The following DZANK1 variants were observed in gnomAD, a reference collection of about 807,000 sequenced individuals.
DZANK1 encodes double zinc ribbon and ankyrin repeat-containing protein 1.
Under a neutral mutation model 94.5 loss-of-function variants are expected in DZANK1, and 91 were observed. That is an observed-to-expected ratio of 0.96 (90% CI 0.81 to 1.15). DZANK1 has a LOEUF of 1.15. DZANK1 is among the 50% of genes most tolerant of loss of function. The pLI is 0.00. For synonymous variants in DZANK1, 312 were observed against 325.3 expected (o/e 0.96, Z 0.44); for missense variants, 903 against 916.4 (o/e 0.99, Z 0.19).
chr20:18,426,669 T>C lies in DZANK1; in HGVS notation c.954+398A>G, dbSNP rs543000454. On this transcript the variant is annotated intron_variant, in intron 10 of 20. Coordinates refer to ENST00000262547, the Ensembl canonical transcript of DZANK1. The stretch of plus-strand genomic sequence containing the variant: ...ACCCAAGAAATAGGTGGCTACAATG[T>C]TCTCAATTTCAAAAAGCAGTGTGCA... Among the ~76,000 whole-genome samples the C allele has an allele frequency of 4.6e-5, 7 of 152,244 alleles. No individual in the cohort carries two copies. In the South Asian group the frequency reaches 1.4e-3, roughly 32 times the overall value.
At chr20:18,387,589 T>A (rs1405864328) in intron 19 of DZANK1, among the ~76,000 whole-genome samples, 1 of 152,184 alleles carries the variant, frequency 6.6e-6, no homozygotes, top group African/African-American at 2.4e-5. Context: ...GAAGGGCAGC[T>A]CTTGTCCAAA....
intron 3 of DZANK1, among the ~76,000 whole-genome samples, chr20:18,458,313 AAAG>A (rs1023106396): frequency 2.7e-4 from 41 of 152,264 alleles, no homozygotes; most frequent in African/African-American, 9.1e-4. Flanking sequence ...TGTTTTTTTT[AAAG>A]AAGAGATTTA....
chr20:18,402,116 G>C (rs77930362), intron 13 of DZANK1, among the ~76,000 whole-genome samples: 3,769 of 152,258 alleles, frequency 0.025, 157 homozygotes, highest in African/African-American at 0.086. Context: ...AGGGATTTGA[G>C]TGGACCTACT....
intron 10 of DZANK1, among the ~76,000 whole-genome samples, chr20:18,422,848 T>C (rs991877697): frequency 1.3e-5 from 2 of 150,850 alleles, no homozygotes; most frequent in South Asian, 2.1e-4. Flanking sequence ...GGGTCTTTTG[T>C]GGTTCCATAC....
intron 1 of DZANK1, among the ~76,000 whole-genome samples, chr20:18,465,872 C>T (rs563872348): frequency 2.4e-4 from 36 of 152,300 alleles, no homozygotes; most frequent in African/African-American, 7.9e-4. Context: ...CCATTATCAC[C>T]AGAGCAGTTC....
intron 15 of DZANK1, among the ~76,000 whole-genome samples, chr20:18,395,268 C>T (rs1430916383): frequency 1.3e-5 from 2 of 152,194 alleles, no homozygotes; most frequent in South Asian, 2.1e-4. Flanking sequence ...AGCTGAGGAA[C>T]GAGAATTGCT....
rs548522464 is a variant in DZANK1, at chr20:18,386,867, T to C, written c.2019-1777A>G. 3.3e-5 allele frequency among the ~76,000 whole-genome samples: 5 copies of C among 152,194 alleles called. 1 individual carries two copies. In the South Asian group the frequency reaches 1.0e-3, roughly 32 times the overall value. On this transcript the variant is annotated intron_variant, in intron 19 of 20. Transcript: ENST00000262547. ...TTGTGGAATTTCAGAACATCAAGGA[T>C]AAATGCTTTCAGAAAAAACAGGTCA... is the stretch of plus-strand genomic sequence containing the variant.
At chr20:18,390,250 T>G in intron 18 of DZANK1, 129 bp downstream of exon 18, 1 of 813,446 alleles carries the variant, frequency 1.2e-6, no homozygotes, top group Non-Finnish European at 2.1e-6. Flanking sequence ...CCATTCACTA[T>G]ATCCCGGGTT....
intron 6 of DZANK1, among the ~76,000 whole-genome samples, chr20:18,449,330 T>C (rs1314715160): frequency 6.6e-6 from 1 of 152,046 alleles, no homozygotes; most frequent in Non-Finnish European, 1.5e-5. Context: ...ATACAATACA[T>C]GTAACAAATC....
chr20:18,398,186 T>C (rs2056458639), intron 14 of DZANK1, among the ~76,000 whole-genome samples: 1 of 152,224 alleles, frequency 6.6e-6, no homozygotes, highest in Non-Finnish European at 1.5e-5. Context: ...TGCTATATAT[T>C]AACAGTGTAT....
chr20:18,392,332 T>C (rs1475865297), intron 17 of DZANK1, among the ~76,000 whole-genome samples: 2 of 152,208 alleles, frequency 1.3e-5, no homozygotes, highest in Non-Finnish European at 2.9e-5. Context: ...CCAAATGTAC[T>C]GGTGTTTGTT....
intron 3 of DZANK1, among the ~76,000 whole-genome samples, chr20:18,458,084 A>G (rs1023622983): frequency 6.6e-6 from 1 of 152,066 alleles, no homozygotes; most frequent in Non-Finnish European, 1.5e-5. Context: ...TATATTTCCA[A>G]TTATCTTCTT....
chr20:18,393,328 A>T (rs1335449856), intron 17 of DZANK1, among the ~76,000 whole-genome samples: 1 of 152,172 alleles, frequency 6.6e-6, no homozygotes, highest in Non-Finnish European at 1.5e-5. Context: ...ATGCCTGTCC[A>T]CTCACACAGG....
At chr20:18,405,490 A>G (rs971040641) in intron 13 of DZANK1, among the ~76,000 whole-genome samples, 1 of 152,240 alleles carries the variant, frequency 6.6e-6, no homozygotes, top group African/African-American at 2.4e-5. Flanking sequence ...GCCAACATCT[A>G]CATGAGAATC....
intron 10 of DZANK1, among the ~76,000 whole-genome samples, chr20:18,421,698 G>A (rs981975120): frequency 1.3e-5 from 2 of 152,160 alleles, no homozygotes; most frequent in Admixed American, 6.5e-5. Context: ...CATCTTAAAT[G>A]TACTAGGCAT....
At chr20:18,408,862 C>T (rs538309472) in intron 13 of DZANK1, among the ~76,000 whole-genome samples, 3 of 152,208 alleles carry the variant, frequency 2.0e-5, no homozygotes, top group South Asian at 2.1e-4. Flanking sequence ...CAGAGAAACA[C>T]AGAATAGCAT....
At chr20:18,449,433 ATTAT>A (rs2059012776) in intron 6 of DZANK1, among the ~76,000 whole-genome samples, 1 of 152,142 alleles carries the variant, frequency 6.6e-6, no homozygotes, top group African/African-American at 2.4e-5. Flanking sequence ...ACATTTCTAA[ATTAT>A]TTAAAGTGCT....
At chr20:18,415,284 G>T (rs1233715931) in intron 11 of DZANK1, 43 bp downstream of exon 11, 1 of 1,417,032 alleles carries the variant, frequency 7.1e-7, no homozygotes, top group East Asian at 2.7e-5. Flanking sequence ...CAGGCCAGTG[G>T]TGAGGTGCTC....
chr20:18,449,765 A>G (rs2059026648), intron 6 of DZANK1, among the ~76,000 whole-genome samples: 1 of 149,534 alleles, frequency 6.7e-6, no homozygotes. Context: ...CAAAAAAAAA[A>G]AAAAAAAAAG....
Sources: allele counts gnomAD v4.1 joint callset (sites outside exome capture counted in the v4.1 genomes callset), GRCh38; gene constraint gnomAD v4.1.1; transcripts MANE v1.5; gene names NCBI Gene and HGNC (gene_info 2026-07-23, HGNC 2026-07-21).